The following MYO1B variants were observed in gnomAD, a reference collection of about 807,000 sequenced individuals.
The protein encoded by MYO1B is myosin IB.
MYO1B carries 72 observed loss-of-function variants against 159.7 expected under a neutral mutation model. The observed-to-expected ratio is 0.45, with a 90% CI of 0.37 to 0.55. The LOEUF (loss-of-function observed/expected upper bound fraction) is 0.55, where lower values mean the gene tolerates loss of function less well. Ranked by LOEUF, MYO1B falls within the 20% of genes least tolerant of loss-of-function variation. MYO1B has a pLI of 0.00. For synonymous variants in MYO1B, 468 were observed against 473.8 expected, an observed-to-expected ratio of 0.99 and a Z score of 0.16; for missense variants, 1,062 against 1,364.8, an observed-to-expected ratio of 0.78 and a Z score of 3.50.
intron 3 of MYO1B, among the ~76,000 whole-genome samples, chr2:191,318,862 G>A (rs1690523502): frequency 6.6e-6 from 1 of 152,156 alleles, no homozygotes; most frequent in Non-Finnish European, 1.5e-5. Flanking sequence ...TTTGTGTCAG[G>A]GCACTTTCTG....
At chr2:191,282,389 G>A (rs1342154340) in intron 2 of MYO1B, among the ~76,000 whole-genome samples, 1 of 152,168 alleles carries the variant, frequency 6.6e-6, no homozygotes, top group African/African-American at 2.4e-5. Context: ...GGTGGTGGTG[G>A]TGGAGAGCAG....
chr2:191,330,401 A>G (rs1272339407), intron 4 of MYO1B, among the ~76,000 whole-genome samples: 3 of 152,206 alleles, frequency 2.0e-5, no homozygotes, highest in Non-Finnish European at 4.4e-5. Context: ...AACACACTCT[A>G]CCTTTGCTAA....
intron 2 of MYO1B, 121 bp from the exon 3 acceptor site, chr2:191,295,990 A>C: frequency 2.3e-6 from 1 of 432,124 alleles, no homozygotes; most frequent in Non-Finnish European, 4.1e-6. Flanking sequence ...GTATACAATG[A>C]ATGGTGAAGC....
chr2:191,270,850 C>G (rs114144688), intron 1 of MYO1B, among the ~76,000 whole-genome samples: 1,790 of 152,232 alleles, frequency 0.012, 31 homozygotes, highest in African/African-American at 0.041. Context: ...GTTTCCTGCC[C>G]TTTGTTGATA....
rs748916049 is a variant in MYO1B, at chr2:191,386,088, TG to T, written c.1554+9del. The T allele has an allele frequency of 1.3e-5, 21 of 1,613,800 alleles. No homozygotes were observed. In the South Asian group the frequency reaches 2.3e-4, roughly 18 times the overall value. Reference sequence around the variant, plus strand: ...GATCCAGCATTATGCTGGAAAGGTATGGGGGAGCTGTGAGCACCCAGTCAGG... The same window carrying T: ...GATCCAGCATTATGCTGGAAAGGTATGGGGAGCTGTGAGCACCCAGTCAGG... On this transcript the variant is annotated splice_donor_5th_base_variant and intron_variant, in intron 16 of 30. Coordinates refer to ENST00000392318, the MANE Select transcript of MYO1B (RefSeq NM_001130158.3).
chr2:191,334,767 G>T (rs184418846), intron 4 of MYO1B, among the ~76,000 whole-genome samples: 46 of 152,270 alleles, frequency 3.0e-4, no homozygotes, highest in Non-Finnish European at 5.9e-4. Flanking sequence ...CAACAGAGAC[G>T]CTAGAGCATT....
At chr2:191,408,904 C>G in intron 25 of MYO1B, 140 bp from the exon 26 acceptor site, 1 of 876,408 alleles carries the variant, frequency 1.1e-6, no homozygotes, top group South Asian at 2.0e-5. Flanking sequence ...GTAGAGACTT[C>G]CCAGATGAGT....
chr2:191,404,252 G>A (rs575548972), intron 24 of MYO1B, among the ~76,000 whole-genome samples: 15 of 152,092 alleles, frequency 9.9e-5, no homozygotes, highest in Non-Finnish European at 2.1e-4. Context: ...GGGCACCATC[G>A]TATATGCCAG....
chr2:191,302,114 G>T lies in MYO1B; in HGVS notation c.251+5888G>T, dbSNP rs148692607. 2.9e-3 allele frequency among the ~76,000 whole-genome samples: 437 copies of T among 152,214 alleles called. 3 individuals are homozygous for T. The highest frequency in any genetic ancestry group is 9.7e-3 in the African/African-American group (402 of 41,528). ...ACCTTATCTCCACTGTTAAAATCCTGCCAGTCTTCTATGGTCTGTCTGAAA... is the reference window on the plus strand; with the variant it reads ...ACCTTATCTCCACTGTTAAAATCCTTCCAGTCTTCTATGGTCTGTCTGAAA... On this transcript the variant is annotated intron_variant, in intron 3 of 30. Transcript: ENST00000392318.
chr2:191,296,704 T>C (rs964216128), intron 3 of MYO1B, among the ~76,000 whole-genome samples: 6 of 152,242 alleles, frequency 3.9e-5, no homozygotes, highest in African/African-American at 1.4e-4. Context: ...GTGATTTCAC[T>C]TACTCTGGAA....
At chr2:191,370,074 C>T (rs1694260848) in intron 12 of MYO1B, among the ~76,000 whole-genome samples, 153 bp from the exon 13 acceptor site, 1 of 152,088 alleles carries the variant, frequency 6.6e-6, no homozygotes, top group Non-Finnish European at 1.5e-5. Context: ...TATACCAATG[C>T]CTCATCTCAT....
chr2:191,411,245 G>T, intron 27 of MYO1B, 73 bp downstream of exon 27: 1 of 942,244 alleles, frequency 1.1e-6, no homozygotes, highest in South Asian at 1.7e-5. Flanking sequence ...ACGCCGTTTT[G>T]CCTGGTGTTT....
At chr2:191,323,191 C>T (rs1690842201) in intron 3 of MYO1B, among the ~76,000 whole-genome samples, 1 of 152,098 alleles carries the variant, frequency 6.6e-6, no homozygotes, top group Non-Finnish European at 1.5e-5. Context: ...AGGTCTCTTT[C>T]ATTGCCATCT....
At chr2:191,402,208 A>C (rs1332635210) in intron 23 of MYO1B, 1 of 172,056 alleles carries the variant, frequency 5.8e-6, no homozygotes, top group Non-Finnish European at 1.3e-5. Flanking sequence ...GGATGAACTC[A>C]GGAGTGCATA....
At chr2:191,279,600 A>G (rs1450326226) in intron 2 of MYO1B, among the ~76,000 whole-genome samples, 1 of 152,020 alleles carries the variant, frequency 6.6e-6, no homozygotes, top group Admixed American at 6.5e-5. Flanking sequence ...GGTGAAATCT[A>G]TTTCTGGCTC....
chr2:191,400,294 A>G (rs1169743183), intron 21 of MYO1B, 88 bp from the exon 22 acceptor site: 3 of 1,394,126 alleles, frequency 2.2e-6, no homozygotes, highest in Non-Finnish European at 3.1e-6. Flanking sequence ...GGGTGTTAGG[A>G]CGATCATCTC....
chr2:191,304,430 C>T (rs1364030026), intron 3 of MYO1B, among the ~76,000 whole-genome samples: 2 of 152,044 alleles, frequency 1.3e-5, no homozygotes, highest in South Asian at 2.1e-4. Context: ...ATTAGCCTGG[C>T]GTAGTGGTGC....
intron 1 of MYO1B, among the ~76,000 whole-genome samples, chr2:191,254,583 G>A (rs189235165): frequency 7.2e-5 from 11 of 152,032 alleles, no homozygotes; most frequent in Middle Eastern, 3.4e-3. Flanking sequence ...GTAGCTCGGT[G>A]CAGCCTCATA....
chr2:191,254,508 C>T (rs979703771), intron 1 of MYO1B, among the ~76,000 whole-genome samples: 2 of 151,816 alleles, frequency 1.3e-5, no homozygotes, highest in Admixed American at 6.6e-5. Context: ...CCGCGCCCGG[C>T]CTCTTTTTTT....
Sources: allele counts gnomAD v4.1 joint callset (sites outside exome capture counted in the v4.1 genomes callset), GRCh38; gene constraint gnomAD v4.1.1; transcripts MANE v1.5; gene names NCBI Gene and HGNC (gene_info 2026-07-23, HGNC 2026-07-21).